TAFA2: variants seen among roughly 807,000 people sequenced by gnomAD.
TAFA2 encodes chemokine-like protein TAFA-2.
TAFA2 carries 7 observed loss-of-function variants against 18.8 expected under a neutral mutation model. That is an observed-to-expected ratio of 0.37 (90% CI 0.21 to 0.70). The LOEUF (loss-of-function observed/expected upper bound fraction) is 0.70, where lower values mean the gene tolerates loss of function less well. Ranked by LOEUF, TAFA2 falls within the 30% of genes least tolerant of loss-of-function variation. The pLI, the probability that TAFA2 is intolerant of heterozygous loss-of-function variation, is 0.53. For missense variants in TAFA2, 122 were observed against 158.1 expected, an observed-to-expected ratio of 0.77 and a Z score of 1.23; for synonymous variants, 60 against 54.2, an observed-to-expected ratio of 1.11 and a Z score of -0.47.
intron 1 of TAFA2, among the ~76,000 whole-genome samples, chr12:61,906,064 T>A (rs1402350507): frequency 6.6e-6 from 1 of 152,194 alleles, no homozygotes; most frequent in Non-Finnish European, 1.5e-5. Flanking sequence ...CCTTAATGGA[T>A]TGTCAAGAAA....
At chr12:62,045,436 C>T (rs1881884098) in intron 1 of TAFA2, among the ~76,000 whole-genome samples, 1 of 152,172 alleles carries the variant, frequency 6.6e-6, no homozygotes. Flanking sequence ...ATCCAGATTT[C>T]ATCACACGAT....
intron 1 of TAFA2, among the ~76,000 whole-genome samples, chr12:62,092,983 G>A (rs1466807678): frequency 6.6e-6 from 1 of 151,950 alleles, no homozygotes; most frequent in African/African-American, 2.4e-5. Flanking sequence ...TTACATATCA[G>A]CGAAGGCTTT....
At chr12:61,738,091 T>C (rs1208168637) in intron 4 of TAFA2, among the ~76,000 whole-genome samples, 1 of 152,028 alleles carries the variant, frequency 6.6e-6, no homozygotes, top group Non-Finnish European at 1.5e-5. Context: ...TGAATATCTA[T>C]AAACACTTTC....
Position 61,802,488 on chromosome 12 carries a change from T to A in TAFA2, c.107-47464A>T, listed in dbSNP as rs558965814. ...GGATGAGCCTGGAAGACATGTTAAGTGAAATAAGTCAGGCACAGAAGGATA... is the reference window on the plus strand; with the variant it reads ...GGATGAGCCTGGAAGACATGTTAAGAGAAATAAGTCAGGCACAGAAGGATA... On this transcript the variant is annotated intron_variant, in intron 2 of 4. Coordinates refer to ENST00000416284, the MANE Select transcript of TAFA2 (RefSeq NM_178539.5). Among the ~76,000 whole-genome samples, 108 of 151,970 alleles carry A rather than the reference T, an allele frequency of 7.1e-4. 2 individuals carry two copies. In the South Asian group the frequency reaches 0.021, roughly 30 times the overall value.
At chr12:61,944,918 C>G (rs1352533091) in intron 1 of TAFA2, among the ~76,000 whole-genome samples, 6 of 127,862 alleles carry the variant, frequency 4.7e-5, no homozygotes, top group African/African-American at 1.9e-4. Context: ...CTATTCCAAT[C>G]AATAGAAAAA....
chr12:62,136,159 G>A (rs984866673), intron 1 of TAFA2: 10 of 151,858 alleles, frequency 6.6e-5, no homozygotes, highest in Non-Finnish European at 1.5e-5. Flanking sequence ...TAAATTACAG[G>A]GATTTTATTA....
chr12:61,761,809 T>C (rs1466795597), intron 2 of TAFA2, among the ~76,000 whole-genome samples: 1 of 152,066 alleles, frequency 6.6e-6, no homozygotes, highest in African/African-American at 2.4e-5. Flanking sequence ...TGATATGGTT[T>C]ATATCTGTGT....
intron 1 of TAFA2, among the ~76,000 whole-genome samples, chr12:61,964,871 C>T (rs1038721035): frequency 2.0e-5 from 3 of 151,772 alleles, no homozygotes; most frequent in African/African-American, 7.3e-5. Context: ...CCTACTATCC[C>T]CCAATAACTT....
intron 2 of TAFA2, among the ~76,000 whole-genome samples, chr12:61,814,779 G>C (rs753327707): frequency 6.6e-6 from 1 of 151,336 alleles, no homozygotes; most frequent in Admixed American, 6.6e-5. Context: ...GTCAGAGTCC[G>C]AAAAGGCAAT....
intron 1 of TAFA2, among the ~76,000 whole-genome samples, chr12:62,121,373 CCA>C (rs1278229953): frequency 9.9e-5 from 15 of 152,128 alleles, no homozygotes; most frequent in Admixed American, 9.8e-4. Context: ...CAGATTAAGT[CCA>C]AAGTCCACAA....
intron 1 of TAFA2, among the ~76,000 whole-genome samples, chr12:61,952,138 A>T (rs908679302): frequency 1.3e-5 from 2 of 152,040 alleles, no homozygotes; most frequent in Non-Finnish European, 2.9e-5. Context: ...AGGTCTCTGC[A>T]AATTCTATCA....
At chr12:62,240,878 C>T (rs929019604) in intron 1 of TAFA2, among the ~76,000 whole-genome samples, 4 of 152,030 alleles carry the variant, frequency 2.6e-5, no homozygotes, top group Admixed American at 2.6e-4. Context: ...ATATTGTGAA[C>T]GGTGCATGGG....
intron 2 of TAFA2, among the ~76,000 whole-genome samples, chr12:61,813,167 G>T (rs1187591027): frequency 2.0e-5 from 3 of 151,078 alleles, no homozygotes; most frequent in Admixed American, 2.0e-4. Context: ...ATCATTATAT[G>T]ACAAATAGCC....
intron 1 of TAFA2, among the ~76,000 whole-genome samples, chr12:61,948,892 A>T (rs1338914052): frequency 1.3e-5 from 2 of 152,192 alleles, no homozygotes; most frequent in Admixed American, 6.5e-5. Flanking sequence ...CCCATGGCTG[A>T]GTACTACTCA....
chr12:61,837,891 A>G (rs1329683924), intron 2 of TAFA2, among the ~76,000 whole-genome samples: 1 of 152,074 alleles, frequency 6.6e-6, no homozygotes, highest in East Asian at 1.9e-4. Context: ...AGAGCTGAGC[A>G]CTGAAGGATG....
chr12:61,920,273 C>A (rs1047881449), intron 1 of TAFA2, among the ~76,000 whole-genome samples: 3 of 152,088 alleles, frequency 2.0e-5, no homozygotes, highest in Non-Finnish European at 4.4e-5. Context: ...CATAAAGAGG[C>A]AAATGAGAAT....
At chr12:61,866,191 C>A (rs765911404) in intron 2 of TAFA2, among the ~76,000 whole-genome samples, 1 of 151,998 alleles carries the variant, frequency 6.6e-6, no homozygotes. Context: ...AACAGGATAA[C>A]GAAATATGAA....
At chr12:62,138,526 G>T (rs2062215830) in intron 1 of TAFA2, among the ~76,000 whole-genome samples, 1 of 152,162 alleles carries the variant, frequency 6.6e-6, no homozygotes, top group Non-Finnish European at 1.5e-5. Context: ...CACAGTATGT[G>T]CACAATTAAT....
upstream of TAFA2, among the ~76,000 whole-genome samples, chr12:62,197,015 C>T (rs1235291287): frequency 1.3e-5 from 2 of 152,244 alleles, no homozygotes; most frequent in Non-Finnish European, 2.9e-5. Context: ...ACCGCCTGAG[C>T]TCCATCTCCT....
Sources: allele counts gnomAD v4.1 joint callset (sites outside exome capture counted in the v4.1 genomes callset), GRCh38; gene constraint gnomAD v4.1.1; transcripts MANE v1.5; gene names NCBI Gene and HGNC (gene_info 2026-07-23, HGNC 2026-07-21).